ENPP3: variants seen among roughly 807,000 people sequenced by gnomAD.
ENPP3 encodes ectonucleotide pyrophosphatase/phosphodiesterase 3.
Under a neutral mutation model 117.8 loss-of-function variants are expected in ENPP3, and 104 were observed. The observed-to-expected ratio is 0.88, with a 90% CI of 0.75 to 1.04. The LOEUF (loss-of-function observed/expected upper bound fraction) is 1.04, where lower values mean the gene tolerates loss of function less well. ENPP3 is among the 50% of genes least tolerant of loss of function. ENPP3 has a pLI of 0.00. For missense variants in ENPP3, 1,026 were observed against 1,051.9 expected, an observed-to-expected ratio of 0.98 and a Z score of 0.34; for synonymous variants, 380 against 349.9, an observed-to-expected ratio of 1.09 and a Z score of -0.96.
intron 15 of ENPP3, among the ~76,000 whole-genome samples, chr6:131,705,010 C>T (rs1419907274): frequency 4.6e-3 from 122 of 26,480 alleles, no homozygotes; most frequent in African/African-American, 0.029. Flanking sequence ...AATTTAATGA[C>T]GTTCACTTGA....
At chr6:131,734,275 G>T (rs1011773032) in intron 21 of ENPP3, among the ~76,000 whole-genome samples, 3 of 151,956 alleles carry the variant, frequency 2.0e-5, no homozygotes, top group African/African-American at 4.8e-5. Flanking sequence ...TTAAGTTTTT[G>T]TTGTTGTTGT....
At position 131,685,376 on chromosome 6, in the gene ENPP3, C is replaced by T. The variant is rs973111407; in HGVS notation, c.1133C>T (p.Thr378Ile). 2 of 1,611,102 alleles carry T rather than the reference C, an allele frequency of 1.2e-6. No individual in the cohort carries two copies. Among genetic ancestry groups the T allele is most frequent in the South Asian group, 1.1e-5 (1 of 90,884 alleles). The change falls in exon 13 of 25, where the codon ACT becomes ATT. Residue 378 changes from threonine (T) to isoleucine (I), a missense_variant. Thr to Ile is a moderately conservative substitution (Grantham distance 89). Coordinates refer to ENST00000357639, the MANE Select transcript of ENPP3 (RefSeq NM_005021.5). ...ILLADHGMDQ[T>I]YCNKMEYMTD... ...TTTTTTTATTCAGGAATGGACCAGA[C>T]TTATTGTAACAAGATGGAATACATG...
intron 1 of ENPP3, among the ~76,000 whole-genome samples, chr6:131,638,038 T>G (rs1210014003): frequency 2.0e-5 from 3 of 152,058 alleles, no homozygotes; most frequent in Admixed American, 6.6e-5. Context: ...TTTCCTTGAT[T>G]TTATTACTCT....
chr6:131,744,386 A>C (rs1051155066), intron 24 of ENPP3, among the ~76,000 whole-genome samples: 1 of 152,216 alleles, frequency 6.6e-6, no homozygotes, highest in African/African-American at 2.4e-5. Flanking sequence ...AGAACTGCAG[A>C]TCTAGATTTG....
At chr6:131,672,306 CT>C (rs1298686035) in intron 7 of ENPP3, among the ~76,000 whole-genome samples, 4 of 152,046 alleles carry the variant, frequency 2.6e-5, no homozygotes, top group Non-Finnish European at 5.9e-5. Context: ...TATTCTCATG[CT>C]TTTTTGGGGG....
chr6:131,745,417 G>T (rs1195633280), intron 24 of ENPP3, among the ~76,000 whole-genome samples: 1 of 152,026 alleles, frequency 6.6e-6, no homozygotes, highest in Non-Finnish European at 1.5e-5. Context: ...CCACTGCATC[G>T]AAGTCAAATG....
At chr6:131,720,178 A>C in intron 16 of ENPP3, 114 bp from the exon 17 acceptor site, 1 of 588,236 alleles carries the variant, frequency 1.7e-6, no homozygotes. Context: ...AATTCCTTAC[A>C]GAGGCCTAAT....
At chr6:131,666,453 T>C (rs73779848) in intron 6 of ENPP3, among the ~76,000 whole-genome samples, 10,801 of 152,254 alleles carry the variant, frequency 0.071, 783 homozygotes, top group African/African-American at 0.18. Context: ...TTCTGGTTCT[T>C]TCTCTTTTTC....
intron 6 of ENPP3, among the ~76,000 whole-genome samples, chr6:131,660,109 C>T (rs1778467307): frequency 6.6e-6 from 1 of 152,148 alleles, no homozygotes; most frequent in Admixed American, 6.5e-5. Flanking sequence ...GTTAGTTTCT[C>T]AGAGGCCTGA....
Position 131,733,644 on chromosome 6 carries a change from G to T in ENPP3, c.2010G>T (p.Arg670Ser), listed in dbSNP as rs971616540. The stretch of plus-strand genomic sequence containing the variant: ...CAGACTGTCTGCGGGCTGATGTCAG[G>T]GTTCCTCCTTCTGAGAGCCAAAAAT... ...TVPDCLRADV[R>S]VPPSESQKCS... The change falls in exon 21 of 25, where the codon AGG becomes AGT. Residue 670 changes from arginine to serine, a missense_variant. Coordinates refer to ENST00000357639, the MANE Select transcript of ENPP3 (RefSeq NM_005021.5). 6.2e-7 allele frequency: 1 copy of T among 1,614,068 alleles called. No individual in the cohort carries two copies. The highest frequency in any genetic ancestry group is 8.5e-7 in the Non-Finnish European group (1 of 1,179,966).
intron 15 of ENPP3, 106 bp from the exon 16 acceptor site, chr6:131,718,566 A>T (rs1476349077): frequency 2.0e-6 from 1 of 492,996 alleles, no homozygotes; most frequent in Non-Finnish European, 3.6e-6. Context: ...TTGATAAAAA[A>T]ATTTACTTAT....
chr6:131,720,456 T>C lies in ENPP3; in HGVS notation c.1567+77T>C, dbSNP rs1779991096. The C allele has an allele frequency of 5.2e-5, 36 of 697,098 alleles. 1 individual carries two copies. In the East Asian group the frequency reaches 1.0e-3, roughly 20 times the overall value. 43.2% of individuals were successfully genotyped at this position (697,098 alleles called of 1,614,324 possible). ...ATGTGATTTGAAATTGGTAGCAAAC[T>C]GAATCCCAGAGGCTGGATGCTCTGT... On this transcript the variant is annotated intron_variant, in intron 17 of 24. Transcript: ENST00000357639.
Position 131,658,430 on chromosome 6 carries a change from C to T in ENPP3, c.562+10C>T, listed in dbSNP as rs1239127688. On this transcript the variant is annotated intron_variant, in intron 6 of 24. Coordinates refer to ENST00000357639, the MANE Select transcript of ENPP3 (RefSeq NM_005021.5). Reference sequence around the variant, plus strand: ...AATATCAATAAACTGAGTAAGTCTTCTGTAACTAGTGGCATGCAAATGATA... The same window carrying T: ...AATATCAATAAACTGAGTAAGTCTTTTGTAACTAGTGGCATGCAAATGATA... The T allele has an allele frequency of 8.9e-6, 12 of 1,353,062 alleles. No individual in the cohort carries two copies. Among genetic ancestry groups the T allele is most frequent in the Non-Finnish European group, 1.3e-5 (12 of 943,250 alleles). The allele number at this position is 1,353,062 out of a possible 1,614,324, so 83.8% of individuals were successfully genotyped here. A position where few individuals can be genotyped will look rare whatever the true frequency, so the allele number is the denominator to read the frequency against.
chr6:131,738,246 A>G, intron 23 of ENPP3, 83 bp downstream of exon 23: 2 of 1,020,136 alleles, frequency 2.0e-6, no homozygotes, highest in African/African-American at 1.6e-5. Context: ...AGTATTTTAA[A>G]TATTACATAA....
At chr6:131,690,477 G>A (rs1442752213) in intron 14 of ENPP3, among the ~76,000 whole-genome samples, 1 of 152,200 alleles carries the variant, frequency 6.6e-6, no homozygotes, top group African/African-American at 2.4e-5. Flanking sequence ...TAAAATTCAG[G>A]TATGTAGTTT....
downstream of ENPP3, chr6:131,747,410 AG>A (rs1415717271): frequency 1.3e-5 from 2 of 152,342 alleles, no homozygotes; most frequent in African/African-American, 4.8e-5. Context: ...AAAAATGCAC[AG>A]AACTTTTGCG....
chr6:131,685,419 A>G lies in ENPP3; in HGVS notation c.1176A>G (p.Arg392=), dbSNP rs575145400. 2.3e-4 allele frequency: 379 copies of G among 1,613,386 alleles called. 3 individuals are homozygous for G. In the South Asian group the frequency reaches 4.0e-3, roughly 17 times the overall value. Residue 392 remains arginine (R), a synonymous_variant, in exon 13 of 25, where the codon AGA becomes AGG. Transcript: ENST00000357639. ...KMEYMTDYFP[R]INFFYMYEGP... The stretch of plus-strand genomic sequence containing the variant: ...AATACATGACTGATTATTTTCCCAG[A>G]ATAAACTTCTTCTACATGTACGAAG...
chr6:131,646,615 A>ATTTAGCTT (rs1778158155), intron 2 of ENPP3, among the ~76,000 whole-genome samples: 1 of 151,558 alleles, frequency 6.6e-6, no homozygotes, highest in Non-Finnish European at 1.5e-5. Context: ...ATTCTCCTAT[A>ATTTAGCTT]TTTAGCTTTG....
chr6:131,733,568 TTC>T lies in ENPP3; in HGVS notation c.1954-10_1954-9del. 10 of 1,598,378 alleles carry T rather than the reference TTC, an allele frequency of 6.3e-6. No individual in the cohort carries two copies. Among genetic ancestry groups the T allele is most frequent in the South Asian group, 4.5e-5 (4 of 89,474 alleles). On this transcript the variant is annotated intron_variant, in intron 20 of 24. Transcript: ENST00000357639. ...AGCCGCAATTGTGGGCGTAATTTTT[TTC>T]TCTCTCTCTTTGAACAGGGAGACAC... is the stretch of plus-strand genomic sequence containing the variant.
Sources: gnomAD v4.1 joint callset for allele counts (sites outside exome capture counted in the v4.1 genomes callset) on GRCh38, gnomAD v4.1.1 for gene constraint, MANE v1.5 for transcripts, NCBI Gene and HGNC (gene_info 2026-07-23, HGNC 2026-07-21) for gene names.